The following PARD3 variants were observed in gnomAD, a reference collection of about 807,000 sequenced individuals.
PARD3 encodes the protein par-3 family cell polarity regulator.
In PARD3, 75 loss-of-function variants were observed where a neutral mutation model predicts 155.4. That is an observed-to-expected ratio of 0.48 (90% confidence interval 0.40 to 0.58). The LOEUF (loss-of-function observed/expected upper bound fraction) is 0.58, where lower values mean the gene tolerates loss of function less well. PARD3 is among the 20% of genes least tolerant of loss of function. PARD3 has a pLI of 0.00. For missense variants in PARD3, 1,642 were observed against 1,721.7 expected, an observed-to-expected ratio of 0.95 and a Z score of 0.82; for synonymous variants, 576 against 610.5, an observed-to-expected ratio of 0.94 and a Z score of 0.83.
intron 24 of PARD3, 124 bp downstream of exon 24, chr10:34,119,489 T>C: frequency 1.1e-6 from 1 of 947,240 alleles, no homozygotes. Context: ...ATTTATTGGT[T>C]CCTCTGTTGC....
At chr10:34,759,155 A>G (rs1224831432) in intron 1 of PARD3, among the ~76,000 whole-genome samples, 1 of 152,346 alleles carries the variant, frequency 6.6e-6, no homozygotes, top group East Asian at 1.9e-4. Flanking sequence ...GAGAATAGAT[A>G]CAACTCAATG....
intron 2 of PARD3, among the ~76,000 whole-genome samples, chr10:34,630,681 C>T (rs1349977389): frequency 1.3e-5 from 2 of 151,932 alleles, no homozygotes; most frequent in Admixed American, 6.6e-5. Flanking sequence ...TGAGCTCAAG[C>T]GATCCTCCCA....
intron 24 of PARD3, among the ~76,000 whole-genome samples, chr10:34,117,773 A>T (rs1946763372): frequency 6.6e-6 from 1 of 152,074 alleles, no homozygotes; most frequent in Admixed American, 6.6e-5. Context: ...TAGCCAGGCG[A>T]GGTGGCGCAC....
chr10:34,369,003 T>TA (rs1291173032), intron 12 of PARD3, among the ~76,000 whole-genome samples: 3 of 149,672 alleles, frequency 2.0e-5, no homozygotes, highest in African/African-American at 7.7e-5. Flanking sequence ...CCTGAAACTA[T>TA]ATATGTAGCT....
intron 2 of PARD3, among the ~76,000 whole-genome samples, chr10:34,681,599 A>C (rs990283181): frequency 4.7e-5 from 7 of 149,400 alleles, no homozygotes; most frequent in Non-Finnish European, 1.0e-4. Context: ...TTGTAGCTGC[A>C]AACATTTTGC....
chr10:34,645,201 G>A (rs2001536), intron 2 of PARD3, among the ~76,000 whole-genome samples: 52,465 of 136,612 alleles, frequency 0.38, 9,370 homozygotes, highest in South Asian at 0.43. Flanking sequence ...ATTTTATTTT[G>A]ATTTATTTTA....
At chr10:34,627,096 T>G (rs1167709714) in intron 2 of PARD3, among the ~76,000 whole-genome samples, 1 of 151,982 alleles carries the variant, frequency 6.6e-6, no homozygotes, top group Non-Finnish European at 1.5e-5. Context: ...CACAGCTCAC[T>G]GCAGCCCTGC....
At chr10:34,486,055 C>G (rs1271175174) in intron 3 of PARD3, among the ~76,000 whole-genome samples, 3 of 151,466 alleles carry the variant, frequency 2.0e-5, no homozygotes, top group African/African-American at 4.9e-5. Context: ...TACCAAGCAG[C>G]TGGGACTACA....
At chr10:34,658,094 C>T (rs1442999220) in intron 2 of PARD3, among the ~76,000 whole-genome samples, 1 of 150,008 alleles carries the variant, frequency 6.7e-6, no homozygotes, top group East Asian at 2.0e-4. Context: ...TCCAGTGAGC[C>T]GAGATTGCGC....
In PARD3 at chr10:34,408,730, C is replaced by T. The variant is rs1589461385; in HGVS notation, c.715-6813G>A. ...TAGCAACCTTCCAAAGAAATAAAAT[C>T]AGGAAATGTGTAATACAATTTTAAT... On this transcript the variant is annotated intron_variant, in intron 5 of 24. Coordinates refer to ENST00000374788, the MANE Select transcript of PARD3 (RefSeq NM_001184785.2). 2.0e-5 allele frequency among the ~76,000 whole-genome samples: 3 copies of T among 151,906 alleles called. No individual in the cohort carries two copies. The South Asian group carries it at 6.2e-4, about 32-fold the overall frequency.
At chr10:34,647,949 A>G (rs2092894848) in intron 2 of PARD3, among the ~76,000 whole-genome samples, 1 of 152,264 alleles carries the variant, frequency 6.6e-6, no homozygotes, top group Non-Finnish European at 1.5e-5. Context: ...AGGAGGGTGC[A>G]GTGAGACCCC....
intron 1 of PARD3, among the ~76,000 whole-genome samples, chr10:34,744,513 C>T (rs929703114): frequency 6.6e-6 from 1 of 152,230 alleles, no homozygotes; most frequent in Admixed American, 6.5e-5. Context: ...CCTGCTAATG[C>T]CCAGCAACTA....
intron 5 of PARD3, among the ~76,000 whole-genome samples, chr10:34,406,851 T>C (rs1844530723): frequency 6.6e-6 from 1 of 151,506 alleles, no homozygotes; most frequent in Non-Finnish European, 1.5e-5. Context: ...AGAGGAAATA[T>C]ATTCAGAGTA....
chr10:34,419,220 G>T (rs1845959271), intron 5 of PARD3, among the ~76,000 whole-genome samples: 1 of 152,026 alleles, frequency 6.6e-6, no homozygotes, highest in African/African-American at 2.4e-5. Context: ...TGGATAAGAA[G>T]TAATGCAAAG....
intron 1 of PARD3, among the ~76,000 whole-genome samples, chr10:34,785,749 T>C (rs555445311): frequency 6.6e-6 from 1 of 152,144 alleles, no homozygotes; most frequent in Non-Finnish European, 1.5e-5. Flanking sequence ...GAAGGTCTTA[T>C]AAGACATGGG....
Position 34,301,616 on chromosome 10 carries a change from A to C in PARD3, c.3065+15491T>G, listed in dbSNP as rs75668166. On this transcript the variant is annotated intron_variant, in intron 20 of 24. Coordinates refer to ENST00000374788, the MANE Select transcript of PARD3 (RefSeq NM_001184785.2). ...ACCACCTGACATGTCTTTGATTTCC[A>C]AATCTCTACAGTGCCAGCCCTTCCC... Among the ~76,000 whole-genome samples the C allele has an allele frequency of 4.6e-3, 696 of 152,106 alleles. 6 individuals are homozygous for C. The highest frequency in any genetic ancestry group is 0.016 in the African/African-American group (661 of 41,500).
chr10:34,545,971 G>A (rs1438077444), intron 2 of PARD3, among the ~76,000 whole-genome samples: 1 of 152,134 alleles, frequency 6.6e-6, no homozygotes, highest in Non-Finnish European at 1.5e-5. Context: ...ACTTAACACT[G>A]TAGAATTATA....
intron 12 of PARD3, among the ~76,000 whole-genome samples, chr10:34,368,908 A>T (rs931451061): frequency 3.3e-5 from 5 of 151,708 alleles, no homozygotes; most frequent in African/African-American, 1.2e-4. Context: ...ATGGCATCTA[A>T]CCCTGGATTT....
rs559315807 is a variant in PARD3, at chr10:34,625,783, T to C, written c.222+70535A>G. Among the ~76,000 whole-genome samples, 9 of 152,138 alleles carry C rather than the reference T, an allele frequency of 5.9e-5. No homozygotes were observed. In the South Asian group the frequency reaches 1.9e-3, roughly 32 times the overall value. On this transcript the variant is annotated intron_variant, in intron 2 of 24. Transcript: ENST00000374788. Reference sequence around the variant, plus strand: ...AAAATTAGCCAGGCGTGATGGCGCATGCCTGTAATCCCAGCTACTTGGGAG... The same window carrying C: ...AAAATTAGCCAGGCGTGATGGCGCACGCCTGTAATCCCAGCTACTTGGGAG...
Sources: gnomAD v4.1 joint callset for allele counts (sites outside exome capture counted in the v4.1 genomes callset) on GRCh38, gnomAD v4.1.1 for gene constraint, MANE v1.5 for transcripts, NCBI Gene and HGNC (gene_info 2026-07-23, HGNC 2026-07-21) for gene names.